Variants in BORCS8 observed in about 807,000 individuals in gnomAD.
The protein encoded by BORCS8 is BLOC-1 related complex subunit 8.
A neutral mutation model predicts 18.7 loss-of-function variants in BORCS8; 13 were observed. The observed-to-expected ratio is 0.70, with a 90% CI of 0.45 to 1.11. The LOEUF (loss-of-function observed/expected upper bound fraction) is 1.11, where lower values mean the gene tolerates loss of function less well. Among genes scored for constraint, BORCS8 ranks in the 50% least tolerant of loss-of-function variants. The probability of loss-of-function intolerance (pLI) is 0.00; values close to 1 mark genes in which losing one functional copy is unlikely to be tolerated. For missense variants in BORCS8, 165 were observed against 165.7 expected, an observed-to-expected ratio of 1.00 and a Z score of 0.02; for synonymous variants, 68 against 64.8, an observed-to-expected ratio of 1.05 and a Z score of -0.24.
chr19:19,187,116 C>T (rs763229559), intron 1 of BORCS8, 111 bp from the exon 2 acceptor site: 27 of 758,374 alleles, frequency 3.6e-5, no homozygotes, highest in Non-Finnish European at 5.6e-5. Flanking sequence ...GCGTGTCCCT[C>T]CGCAGCTAGG....
chr19:19,177,692 G>GAGAAAAGAAAA (rs1555777404), intron 5 of BORCS8: 146 of 48,624 alleles, frequency 3.0e-3, no homozygotes, highest in East Asian at 0.015. Flanking sequence ...AAGGAAGGAA[G>GAGAAAAGAAAA]GAAGAGAAAA....
chr19:19,177,696 G>GGAAGGAAAAGAAAAGAAA (rs1376064847), intron 5 of BORCS8: 1 of 74,650 alleles, frequency 1.3e-5, no homozygotes, highest in South Asian at 3.6e-4. Context: ...AAGGAAGGAA[G>GGAAGGAAAAGAAAAGAAA]AGAAAAGAAA....
intron 1 of BORCS8, 135 bp from the exon 2 acceptor site, chr19:19,187,140 A>G: frequency 1.6e-6 from 1 of 631,176 alleles, no homozygotes; most frequent in East Asian, 2.8e-5. Flanking sequence ...CTCCTGGCCC[A>G]TGACAGGCTG....
rs2238671 is a variant in BORCS8 at position 19,182,383 on chromosome 19, C to T, written c.326+190G>A. ...GCCCAGGGCCAGGCACACAGCAGAG[C>T]GCAGGACCTCGGTATTAAGTGACTG... On this transcript the variant is annotated intron_variant, in intron 4 of 5. Coordinates refer to ENST00000462790, the MANE Select transcript of BORCS8 (RefSeq NM_001145784.2). The surrounding 1 kb of genome is among the most constrained non-coding windows in gnomAD (Gnocchi z 4.1). The T allele has an allele frequency of 5.0e-3, 6,900 of 1,385,014 alleles. 212 individuals are homozygous for T. The East Asian group carries it at 0.087, about 17-fold the overall frequency. The allele number at this position is 1,385,014 out of a possible 1,614,324, so 85.8% of individuals were successfully genotyped here. A position where few individuals can be genotyped will look rare whatever the true frequency, so the allele number is the denominator to read the frequency against.
chr19:19,180,687 T>C lies in BORCS8; in HGVS notation c.*41A>G, dbSNP rs1486031787. 2 of 1,542,278 alleles carry C rather than the reference T, an allele frequency of 1.3e-6. No homozygotes were observed. Among genetic ancestry groups the C allele is most frequent in the Admixed American group, 3.9e-5 (2 of 50,974 alleles). On this transcript the variant is annotated splice_region_variant and 3_prime_UTR_variant, in exon 5 of 6. Transcript: ENST00000462790. ...CTCGTGGCTACCCTCGGCACTGACC[T>C]GGGTTGGCGGAGGCTGGGGGGCCCC...
intron 1 of BORCS8, among the ~76,000 whole-genome samples, chr19:19,188,652 G>A (rs73537457): frequency 0.15 from 22,792 of 152,068 alleles, 2,182 homozygotes; most frequent in African/African-American, 0.26. Context: ...GAGAGATATG[G>A]AAACCTGTGT....
At position 19,182,138 on chromosome 19, in the gene BORCS8, C is replaced by A. The variant is rs899822603; in HGVS notation, c.326+435G>T. ...GTGCTTCTCGAACACTCCCAGGGATCCCAGCCCCAGAGCGTCTGCCCTCAC... is the reference window on the plus strand; with the variant it reads ...GTGCTTCTCGAACACTCCCAGGGATACCAGCCCCAGAGCGTCTGCCCTCAC... On this transcript the variant is annotated intron_variant, in intron 4 of 5. Coordinates refer to ENST00000462790, the MANE Select transcript of BORCS8 (RefSeq NM_001145784.2). The surrounding 1 kb of genome is among the most constrained non-coding windows in gnomAD (Gnocchi z 4.1). The A allele has an allele frequency of 4.7e-5, 35 of 750,612 alleles. No individual in the cohort carries two copies. The African/African-American group carries it at 6.1e-4, about 13-fold the overall frequency. The allele number at this position is 750,612 out of a possible 1,614,324, so 46.5% of individuals were successfully genotyped here.
intron 3 of BORCS8, among the ~76,000 whole-genome samples, chr19:19,185,139 C>A (rs1411672643): frequency 6.6e-6 from 1 of 152,248 alleles, no homozygotes; most frequent in Non-Finnish European, 1.5e-5. Context: ...AGAATACTGC[C>A]CCAGCAGCAG....
At chr19:19,191,978 T>C in intron 1 of BORCS8, 103 bp downstream of exon 1, 1 of 1,397,798 alleles carries the variant, frequency 7.2e-7, no homozygotes, top group Non-Finnish European at 9.7e-7. Context: ...TGGACGGCAG[T>C]TCAATCACTG....
chr19:19,181,891 G>T, intron 4 of BORCS8: 3 of 985,412 alleles, frequency 3.0e-6, no homozygotes, highest in Non-Finnish European at 3.6e-6. Flanking sequence ...GTTCATAAGC[G>T]TGTTTATTAA....
intron 1 of BORCS8, among the ~76,000 whole-genome samples, chr19:19,191,447 G>A (rs1448127974): frequency 6.7e-6 from 1 of 148,186 alleles, no homozygotes; most frequent in East Asian, 2.0e-4. Context: ...AGCCATGATC[G>A]CGCCACCGCA....
At chr19:19,187,032 G>A (rs982359073) in intron 1 of BORCS8, 27 bp from the exon 2 acceptor site, 5 of 1,515,904 alleles carry the variant, frequency 3.3e-6, no homozygotes, top group South Asian at 1.2e-5. Context: ...GGGATGGGGC[G>A]GGTGTGGGGA....
chr19:19,183,969 G>A (rs961542573), intron 3 of BORCS8, among the ~76,000 whole-genome samples: 1 of 148,272 alleles, frequency 6.7e-6, no homozygotes, highest in African/African-American at 2.5e-5. Context: ...AGCAACCTCC[G>A]TCTCCCAGGT....
At chr19:19,191,582 T>G (rs923386958) in intron 1 of BORCS8, among the ~76,000 whole-genome samples, 2 of 142,188 alleles carry the variant, frequency 1.4e-5, no homozygotes, top group Admixed American at 1.4e-4. Flanking sequence ...GGTTGTTGAG[T>G]TTTTTTTTTT....
chr19:19,178,959 C>CA (rs555063108), intron 5 of BORCS8: 1,973 of 90,130 alleles, frequency 0.022, 44 homozygotes, highest in East Asian at 0.11. Context: ...GACTCCATCT[C>CA]AAAAAAAAAA....
intron 1 of BORCS8, 34 bp from the exon 2 acceptor site, chr19:19,187,039 G>A: frequency 6.7e-7 from 1 of 1,494,890 alleles, no homozygotes; most frequent in Non-Finnish European, 9.1e-7. Context: ...GGCGGGTGTG[G>A]GGAGACAAAG....
chr19:19,178,448 G>A (rs1171413792), intron 5 of BORCS8: 1 of 152,512 alleles, frequency 6.6e-6, no homozygotes, highest in Non-Finnish European at 1.5e-5. Context: ...GCCAGACTAA[G>A]GTGGAGCTTG....
rs1337403539 is a variant in BORCS8 at position 19,186,911 on chromosome 19, G to A, written c.132C>T (p.Pro44=). The A allele has an allele frequency of 9.7e-6, 15 of 1,549,852 alleles. No homozygotes were observed. The highest frequency in any genetic ancestry group is 9.6e-5 in the African/African-American group (7 of 73,028). ...RLQEHVRRSL[P]ELAQHKADMQ... ...AGCTCACCTTGTGCTGGGCCAGCTC[G>A]GGGAGGGAGCGACGCACATGCTCCT... Residue 44 remains proline (P), a synonymous_variant, in exon 2 of 6, where the codon CCC becomes CCT. Coordinates refer to ENST00000462790, the MANE Select transcript of BORCS8 (RefSeq NM_001145784.2).
intron 3 of BORCS8, among the ~76,000 whole-genome samples, chr19:19,183,371 C>T (rs1452663595): frequency 6.7e-6 from 1 of 149,946 alleles, no homozygotes; most frequent in Non-Finnish European, 1.5e-5. Context: ...GATCGCGCCA[C>T]TGCACTCCAG....
Sources: gnomAD v4.1 joint callset for allele counts (sites outside exome capture counted in the v4.1 genomes callset) on GRCh38, gnomAD v4.1.1 for gene constraint, Gnocchi (gnomAD v3.1) non-coding constraint, MANE v1.5 for transcripts, NCBI Gene and HGNC (gene_info 2026-07-23, HGNC 2026-07-21) for gene names.